TTLL11: variants seen among roughly 807,000 people sequenced by gnomAD.
The protein encoded by TTLL11 is tubulin polyglutamylase TTLL11.
A neutral mutation model predicts 51.7 loss-of-function variants in TTLL11; 42 were observed. That is an observed-to-expected ratio of 0.81 (90% CI 0.64 to 1.05). The LOEUF (loss-of-function observed/expected upper bound fraction) is 1.05. TTLL11 is among the 50% of genes least tolerant of loss of function. The pLI is 0.00. For missense variants in TTLL11, 799 were observed against 940.4 expected (o/e 0.85, Z 1.97); for synonymous variants, 381 against 383.5 (o/e 0.99, Z 0.08).
At chr9:121,889,761 A>G (rs576270910) in intron 6 of TTLL11, among the ~76,000 whole-genome samples, 11 of 152,308 alleles carry the variant, frequency 7.2e-5, no homozygotes, top group African/African-American at 2.6e-4. Flanking sequence ...TCAGCAGGGC[A>G]TGCGGGCGTT....
intron 3 of TTLL11, 91 bp downstream of exon 3, chr9:122,031,632 A>AC: frequency 6.7e-7 from 1 of 1,491,522 alleles, no homozygotes; most frequent in Non-Finnish European, 9.0e-7. Flanking sequence ...GCTCCCTGGG[A>AC]CCCCCTGTCC....
At chr9:122,051,197 T>C (rs943802815) in intron 1 of TTLL11, among the ~76,000 whole-genome samples, 2 of 152,186 alleles carry the variant, frequency 1.3e-5, no homozygotes, top group Non-Finnish European at 2.9e-5. Flanking sequence ...AATGCCTCCA[T>C]TTTGCAGATA....
intron 6 of TTLL11, among the ~76,000 whole-genome samples, chr9:121,937,419 C>T (rs1305271587): frequency 2.6e-5 from 4 of 152,120 alleles, no homozygotes; most frequent in South Asian, 2.1e-4. Context: ...ATTGATGGGG[C>T]CAGAATTTGC....
intron 3 of TTLL11, among the ~76,000 whole-genome samples, chr9:122,021,184 A>AT (rs1369261468): frequency 3.9e-5 from 6 of 152,174 alleles, no homozygotes; most frequent in African/African-American, 1.4e-4. Flanking sequence ...GAATTGAACG[A>AT]TGTGAACCCT....
rs201306679 is a variant in TTLL11 at position 122,045,197 on chromosome 9, TA to T, written c.463-5830del. On this transcript the variant is annotated intron_variant, in intron 1 of 8. Transcript: ENST00000321582. ...TAAGAATATAGAAAGCTGCTGTAGT[TA>T]AAAAAAAAAATCACTGGCTGATTGA... Among the ~76,000 whole-genome samples, 82 of 147,598 alleles carry T rather than the reference TA, an allele frequency of 5.6e-4. 1 individual carries two copies. The highest frequency in any genetic ancestry group is 6.4e-4 in the African/African-American group (26 of 40,478).
chr9:121,991,662 A>G (rs372451221), intron 3 of TTLL11, among the ~76,000 whole-genome samples: 36 of 152,334 alleles, frequency 2.4e-4, no homozygotes, highest in African/African-American at 6.7e-4. Flanking sequence ...TTTGAATTCC[A>G]TGTATATGCC....
intron 1 of TTLL11, among the ~76,000 whole-genome samples, chr9:122,080,295 T>C (rs1386228627): frequency 6.6e-6 from 1 of 152,212 alleles, no homozygotes; most frequent in Non-Finnish European, 1.5e-5. Context: ...CTAAAACTAT[T>C]TTGGAAAGCA....
rs551193794 is a variant in TTLL11, at chr9:121,853,219, C to T, written c.1840+7118G>A. Among the ~76,000 whole-genome samples, 95 of 152,306 alleles carry T rather than the reference C, an allele frequency of 6.2e-4. No homozygotes were observed. The highest frequency in any genetic ancestry group is 1.2e-3 in the Non-Finnish European group (82 of 68,028). ...TGGGACATGTGTAGCAGGGCACCTG[C>T]TAGATGCCAGTCTCAGTGCTTGGCC... On this transcript the variant is annotated intron_variant, in intron 8 of 8. Transcript: ENST00000321582. This position sits in a 1 kb window ranked among gnomAD's most constrained non-coding sequence, Gnocchi z 5.6.
intron 1 of TTLL11, among the ~76,000 whole-genome samples, chr9:122,048,139 G>T (rs1037513232): frequency 6.6e-6 from 1 of 152,050 alleles, no homozygotes; most frequent in African/African-American, 2.4e-5. Flanking sequence ...ACAGCAGGAC[G>T]AGAGACTTTT....
At chr9:121,905,028 T>C (rs950038020) in intron 6 of TTLL11, among the ~76,000 whole-genome samples, 15 of 152,208 alleles carry the variant, frequency 9.9e-5, no homozygotes, top group Non-Finnish European at 2.1e-4. Flanking sequence ...CTCAGCTAAC[T>C]TTCTGGATTG....
chr9:122,009,774 T>C (rs1231782882), intron 3 of TTLL11, among the ~76,000 whole-genome samples: 1 of 151,972 alleles, frequency 6.6e-6, no homozygotes, highest in Non-Finnish European at 1.5e-5. Context: ...AACTATAGAA[T>C]AATAGAGATG....
rs188550903 is a variant in TTLL11 at position 121,903,731 on chromosome 9, C to T, written c.1482-32983G>A. ...TTTACACACACAGATATCCCATAGG[C>T]GCCCAGTGGCTGGTATAAGGCAGTC... is the stretch of plus-strand genomic sequence containing the variant. On this transcript the variant is annotated intron_variant, in intron 6 of 8. Transcript: ENST00000321582. 6.6e-3 allele frequency among the ~76,000 whole-genome samples: 1,009 copies of T among 152,256 alleles called. 9 individuals carry two copies. The highest frequency in any genetic ancestry group is 0.025 in the Admixed American group (380 of 15,286).
At chr9:121,915,517 T>C (rs1031147035) in intron 6 of TTLL11, among the ~76,000 whole-genome samples, 1 of 152,250 alleles carries the variant, frequency 6.6e-6, no homozygotes, top group Non-Finnish European at 1.5e-5. Flanking sequence ...CTTAGATAGA[T>C]GCCTGTCCTT....
At chr9:121,887,754 G>C (rs1003587543) in intron 6 of TTLL11, among the ~76,000 whole-genome samples, 1 of 152,218 alleles carries the variant, frequency 6.6e-6, no homozygotes, top group African/African-American at 2.4e-5. Flanking sequence ...CCCCCATGAA[G>C]AAAGTGCCTC....
intron 1 of TTLL11, among the ~76,000 whole-genome samples, chr9:122,092,438 G>C (rs1468284723): frequency 2.6e-5 from 4 of 152,190 alleles, no homozygotes; most frequent in Non-Finnish European, 5.9e-5. Context: ...CATAAAAAGA[G>C]CTGCAGGGAG....
At chr9:122,082,842 C>T (rs1846032758) in intron 1 of TTLL11, among the ~76,000 whole-genome samples, 1 of 151,974 alleles carries the variant, frequency 6.6e-6, no homozygotes, top group African/African-American at 2.4e-5. Flanking sequence ...GCTTGGGCAA[C>T]ATAGCACAAT....
Position 121,952,603 on chromosome 9 carries a change from C to T in TTLL11, c.1481+21406G>A, listed in dbSNP as rs562393887. ...TTCAGCATGAGAGGAACACCTTTGG[C>T]ATAATGTTTCTGGCCTCTCCTGCCC... is the stretch of plus-strand genomic sequence containing the variant. On this transcript the variant is annotated intron_variant, in intron 6 of 8. Transcript: ENST00000321582. Among the ~76,000 whole-genome samples the T allele has an allele frequency of 2.2e-4, 33 of 152,240 alleles. No homozygotes were observed. In the East Asian group the frequency reaches 6.2e-3, roughly 28 times the overall value.
intron 8 of TTLL11, among the ~76,000 whole-genome samples, chr9:121,849,835 C>T (rs1018680641): frequency 2.0e-5 from 3 of 152,112 alleles, no homozygotes; most frequent in African/African-American, 7.2e-5. Flanking sequence ...GACAGTCTGG[C>T]GTCCCTCAGC....
chr9:122,032,246 T>C (rs1844575510), intron 2 of TTLL11, among the ~76,000 whole-genome samples: 1 of 152,194 alleles, frequency 6.6e-6, no homozygotes, highest in Admixed American at 6.5e-5. Flanking sequence ...ATTCCTTCCG[T>C]CTTGTACCCT....
Sources: gnomAD v4.1 joint callset for allele counts (sites outside exome capture counted in the v4.1 genomes callset) on GRCh38, gnomAD v4.1.1 for gene constraint, Gnocchi (gnomAD v3.1) non-coding constraint, MANE v1.5 for transcripts, NCBI Gene and HGNC (gene_info 2026-07-23, HGNC 2026-07-21) for gene names.